The following PLBD2 variants were observed in gnomAD, a reference collection of about 807,000 sequenced individuals.
PLBD2 encodes putative aminopeptidase PLBD2.
Under a neutral mutation model 68.3 loss-of-function variants are expected in PLBD2, and 51 were observed. The observed-to-expected ratio is 0.75, with a 90% CI of 0.60 to 0.94. The LOEUF (loss-of-function observed/expected upper bound fraction) is 0.94. PLBD2 is among the 40% of genes least tolerant of loss of function. The probability of loss-of-function intolerance (pLI) is 0.00; values close to 1 mark genes in which losing one functional copy is unlikely to be tolerated. For missense variants in PLBD2, 729 were observed against 792.2 expected (o/e 0.92, Z 0.96); for synonymous variants, 314 against 339.3 (o/e 0.93, Z 0.82).
chr12:113,387,159 T>C, intron 10 of PLBD2, 70 bp downstream of exon 10: 1 of 1,481,662 alleles, frequency 6.7e-7, no homozygotes, highest in Non-Finnish European at 8.9e-7. Flanking sequence ...TGTGCGCTTT[T>C]TGTACCAACT....
At chr12:113,363,663 G>T (rs1957316014) in intron 1 of PLBD2, among the ~76,000 whole-genome samples, 1 of 147,742 alleles carries the variant, frequency 6.8e-6, no homozygotes, top group Non-Finnish European at 1.5e-5. Flanking sequence ...TCAGCCTCCC[G>T]AGTAGCTGGG....
At chr12:113,375,036 T>A in intron 5 of PLBD2, 29 bp downstream of exon 5, 1 of 1,607,746 alleles carries the variant, frequency 6.2e-7, no homozygotes, top group Non-Finnish European at 8.5e-7. Flanking sequence ...GTCTGGGGGA[T>A]GAGCAGGTGG....
At chr12:113,386,875 G>C (rs1017818667) in intron 9 of PLBD2, 62 bp from the exon 10 acceptor site, 18 of 1,577,454 alleles carry the variant, frequency 1.1e-5, no homozygotes, top group Non-Finnish European at 1.5e-5. Context: ...CCCCTCCCTG[G>C]CCACAGCCTT....
chr12:113,361,517 CT>C (rs962896537), intron 1 of PLBD2, among the ~76,000 whole-genome samples: 2 of 149,716 alleles, frequency 1.3e-5, no homozygotes, highest in East Asian at 2.0e-4. Flanking sequence ...TTTTTAAATT[CT>C]TTTTTTTTGT....
chr12:113,367,408 C>T (rs1957350436), intron 1 of PLBD2, among the ~76,000 whole-genome samples: 1 of 152,166 alleles, frequency 6.6e-6, no homozygotes, highest in East Asian at 1.9e-4. Context: ...AGTCTGTGAC[C>T]TGCTATGGTT....
intron 5 of PLBD2, among the ~76,000 whole-genome samples, chr12:113,378,611 C>T (rs1451027220): frequency 6.6e-6 from 1 of 151,892 alleles, no homozygotes; most frequent in East Asian, 1.9e-4. Context: ...ATCCTCCTGC[C>T]TCAGCCTCCC....
chr12:113,390,710 T>A lies in PLBD2; in HGVS notation c.*2084T>A, dbSNP rs574304666. 1 of 151,202 alleles carries A rather than the reference T, an allele frequency of 6.6e-6. No homozygotes were observed. Among genetic ancestry groups the A allele is most frequent in the African/African-American group, 2.4e-5 (1 of 41,064 alleles). The allele number at this position is 151,202 out of a possible 1,614,324, so 9.4% of individuals were successfully genotyped here. ...ATCCATCCACCTACCTATCCATTTA[T>A]CATCCATCTACCCACTCACCCATCC... On this transcript the variant is annotated 3_prime_UTR_variant, in exon 12 of 12. Coordinates refer to ENST00000280800, the MANE Select transcript of PLBD2 (RefSeq NM_173542.4).
intron 6 of PLBD2, among the ~76,000 whole-genome samples, chr12:113,383,407 G>A (rs1957515548): frequency 3.3e-5 from 5 of 152,106 alleles, no homozygotes. Flanking sequence ...CTTGTCCAAG[G>A]AACTGGTGGG....
intron 9 of PLBD2, among the ~76,000 whole-genome samples, chr12:113,385,576 G>A (rs138614940): frequency 2.9e-3 from 443 of 152,266 alleles, no homozygotes; most frequent in Non-Finnish European, 5.5e-3. Context: ...CTGTACAGCT[G>A]TCACCTCCTG....
Position 113,358,865 on chromosome 12 carries a change from C to T in PLBD2, c.265C>T (p.Leu89Phe), listed in dbSNP as rs1957260383. 5.2e-6 allele frequency: 8 copies of T among 1,525,634 alleles called. No homozygotes were observed. The South Asian group carries it at 7.3e-5, about 14-fold the overall frequency. 94.5% of individuals were successfully genotyped at this position (1,525,634 alleles called of 1,614,324 possible). A position where few individuals can be genotyped will look rare whatever the true frequency, so the allele number is the denominator to read the frequency against. ...CCCTGACGCCGTGGCCTGGGCCAAC[C>T]TCACCAACGCCATCCGCGAGACTGG... The part of the protein sequence containing the change: ...RHPDAVAWAN[L>F]TNAIRETGWA... Residue 89 changes from leucine (L) to phenylalanine (F), a missense_variant, in exon 1 of 12, where the codon CTC (leucine) becomes TTC (phenylalanine). Leu to Phe is a conservative substitution (Grantham distance 22). Transcript: ENST00000280800.
At position 113,387,744 on chromosome 12, in the gene PLBD2, G is replaced by A; in HGVS notation, c.1440G>A (p.Arg480=). 1 of 1,613,574 alleles carries A rather than the reference G, an allele frequency of 6.2e-7. No homozygotes were observed. Among genetic ancestry groups the A allele is most frequent in the South Asian group, 1.1e-5 (1 of 91,066 alleles). Residue 480 remains arginine, a splice_region_variant and synonymous_variant, in exon 11 of 12, where the codon AGG becomes AGA. Coordinates refer to ENST00000280800, the MANE Select transcript of PLBD2 (RefSeq NM_173542.4). Reference sequence around the variant, plus strand: ...ATGTTCCCTCCTTTTCCCCATCCAGGTACAATGACTTCCTCCATGACCCTC... The same window carrying A: ...ATGTTCCCTCCTTTTCCCCATCCAGATACAATGACTTCCTCCATGACCCTC... ...QDMDSMVRLM[R]YNDFLHDPLS...
chr12:113,385,060 C>A, intron 8 of PLBD2, 114 bp downstream of exon 8: 1 of 1,319,366 alleles, frequency 7.6e-7, no homozygotes. Flanking sequence ...GAGGGTGTGG[C>A]TGGAAGAGAA....
chr12:113,388,359 C>G, intron 11 of PLBD2, 100 bp from the exon 12 acceptor site: 1 of 1,187,570 alleles, frequency 8.4e-7, no homozygotes, highest in Non-Finnish European at 1.1e-6. Flanking sequence ...AGTGACAGTT[C>G]AGAATTGGGC....
In PLBD2 at chr12:113,377,689, C is replaced by A. The variant is rs566837073; in HGVS notation, c.859+2682C>A. ...GATCCAACCGCCTGTCCTGATTTCTCACAGAATAGGTTAGGTTTGCCTGGT... is the reference window on the plus strand; with the variant it reads ...GATCCAACCGCCTGTCCTGATTTCTAACAGAATAGGTTAGGTTTGCCTGGT... On this transcript the variant is annotated intron_variant, in intron 5 of 11. Transcript: ENST00000280800. 5.3e-5 allele frequency among the ~76,000 whole-genome samples: 8 copies of A among 152,286 alleles called. No homozygotes were observed. In the South Asian group the frequency reaches 1.5e-3, roughly 28 times the overall value.
intron 6 of PLBD2, among the ~76,000 whole-genome samples, chr12:113,382,872 T>G (rs1341335031): frequency 6.0e-3 from 813 of 134,850 alleles, no homozygotes; most frequent in Non-Finnish European, 8.4e-3. Flanking sequence ...TGTGTGTTTT[T>G]TTTTTTTTTT....
Position 113,369,208 on chromosome 12 carries a change from A to C in PLBD2, c.383A>C (p.Glu128Ala), listed in dbSNP as rs1455673542. 1.0e-5 allele frequency: 16 copies of C among 1,597,488 alleles called. No individual in the cohort carries two copies. Among genetic ancestry groups the C allele is most frequent in the Non-Finnish European group, 1.4e-5 (16 of 1,172,088 alleles). The change falls in exon 2 of 12, where the codon GAG becomes GCG. Residue 128 changes from glutamate (E) to alanine (A), a missense_variant and splice_region_variant. Coordinates refer to ENST00000280800, the MANE Select transcript of PLBD2 (RefSeq NM_173542.4). ...GTGGTGGAGGCTGCTGTGTCGGAGG[A>C]GGTAAGGGCCAAGGTGGGGACATGG... is the stretch of plus-strand genomic sequence containing the variant. ...AGVVEAAVSEELIYMHWMNTV... is the reference protein window; with the variant it reads ...AGVVEAAVSEALIYMHWMNTV...
intron 2 of PLBD2, 124 bp downstream of exon 2, chr12:113,369,333 C>A: frequency 1.5e-6 from 1 of 688,788 alleles, no homozygotes. Context: ...CTTCATCTAT[C>A]TGGGGAGAAA....
At chr12:113,382,072 C>T (rs961861560) in intron 6 of PLBD2, among the ~76,000 whole-genome samples, 1 of 152,190 alleles carries the variant, frequency 6.6e-6, no homozygotes, top group African/African-American at 2.4e-5. Flanking sequence ...ATCCTCCTAC[C>T]TCAGCTTCCG....
rs1593294035 is a variant in PLBD2, at chr12:113,388,674, G to T, written c.*48G>T. On this transcript the variant is annotated 3_prime_UTR_variant, in exon 12 of 12. Transcript: ENST00000280800. ...TTTCGCCCCTGCTGACCCTCGTCAG[G>T]GTCACCCCCGTCCCAAGGCCACCGG... The T allele has an allele frequency of 6.6e-7, 1 of 1,508,068 alleles. No individual in the cohort carries two copies. Among genetic ancestry groups the T allele is most frequent in the East Asian group, 2.4e-5 (1 of 41,370 alleles). The allele number at this position is 1,508,068 out of a possible 1,614,324, so 93.4% of individuals were successfully genotyped here.
Sources: allele counts gnomAD v4.1 joint callset (sites outside exome capture counted in the v4.1 genomes callset), GRCh38; gene constraint gnomAD v4.1.1; transcripts MANE v1.5; gene names NCBI Gene and HGNC (gene_info 2026-07-23, HGNC 2026-07-21).